NPIPB8: variants seen among roughly 807,000 people sequenced by gnomAD.
The protein encoded by NPIPB8 is nuclear pore complex interacting protein family member B8, also known as nuclear pore complex-interacting protein family member B8.
Under a neutral mutation model 5.3 loss-of-function variants are expected in NPIPB8, and 3 were observed. That is an observed-to-expected ratio of 0.57 (90% CI 0.26 to 1.47). The LOEUF (loss-of-function observed/expected upper bound fraction) is 1.47. NPIPB8 is among the 40% of genes most tolerant of loss of function. NPIPB8 has a pLI of 0.13. For missense variants in NPIPB8, 50 were observed against 50.2 expected (o/e 1.00, Z 0.01); for synonymous variants, 18 against 23.0 (o/e 0.78, Z 0.62).
intron 3 of NPIPB8, among the ~76,000 whole-genome samples, chr16:28,651,667 T>A (rs1490656981): frequency 1.1e-5 from 1 of 95,210 alleles, no homozygotes; most frequent in Non-Finnish European, 2.1e-5. Context: ...TCTCATTCTG[T>A]CGCTCAGGCT....
At chr16:28,640,610 G>A (rs1451088208) in intron 2 of NPIPB8, among the ~76,000 whole-genome samples, 1 of 152,156 alleles carries the variant, frequency 6.6e-6, no homozygotes, top group African/African-American at 2.4e-5. Context: ...GCCTGCATGG[G>A]AGACTGTGGA....
Position 28,641,168 on chromosome 16 carries a change from G to A in NPIPB8, c.120+2688G>A, listed in dbSNP as rs372226345. Among the ~76,000 whole-genome samples, 86 of 151,882 alleles carry A rather than the reference G, an allele frequency of 5.7e-4. 1 individual carries two copies. In the East Asian group the frequency reaches 0.015, roughly 27 times the overall value. Reference sequence around the variant, plus strand: ...TCCAATGGCCCTGGGTGACTCAAGTGCCCATTCAATGACCAGGACACAGAG... The same window carrying A: ...TCCAATGGCCCTGGGTGACTCAAGTACCCATTCAATGACCAGGACACAGAG... On this transcript the variant is annotated intron_variant, in intron 2 of 7. Transcript: ENST00000683297.
rs2047824619 is a variant in NPIPB8, at chr16:28,638,112, T to A, written c.-77T>A. On this transcript the variant is annotated 5_prime_UTR_variant, in exon 1 of 8. It removes an upstream start codon present in the reference 5' UTR. Transcript: ENST00000683297. ...ACCTTGAGAGAAACTGAATGACGAA[T>A]GAAACTATTGTTCCTGTTTCACACA... 7.8e-6 allele frequency: 5 copies of A among 644,606 alleles called. No homozygotes were observed. Among genetic ancestry groups the A allele is most frequent in the Non-Finnish European group, 1.3e-5 (5 of 398,536 alleles). 39.9% of individuals were successfully genotyped at this position (644,606 alleles called of 1,614,324 possible).
chr16:28,645,182 T>A (rs1428158906), intron 2 of NPIPB8, among the ~76,000 whole-genome samples: 1 of 134,578 alleles, frequency 7.4e-6, no homozygotes, highest in Non-Finnish European at 1.7e-5. Context: ...TGGCTCAGAT[T>A]ACAACGCCTG....
intron 5 of NPIPB8, among the ~76,000 whole-genome samples, chr16:28,652,839 T>C (rs1390188770): frequency 7.3e-6 from 1 of 137,466 alleles, no homozygotes; most frequent in Admixed American, 7.2e-5. Context: ...TGACCTCAGG[T>C]AATCCACCTG....
intron 2 of NPIPB8, chr16:28,644,561 A>T (rs761646544): frequency 1.4e-6 from 2 of 1,465,852 alleles, no homozygotes; most frequent in African/African-American, 3.6e-5. Flanking sequence ...TGTCCTGGAC[A>T]CCTCAGGGCG....
intron 2 of NPIPB8, among the ~76,000 whole-genome samples, chr16:28,644,300 C>T (rs1367821300): frequency 2.7e-5 from 3 of 112,082 alleles, no homozygotes; most frequent in African/African-American, 4.2e-5. Flanking sequence ...CTTCCACCAG[C>T]GCTTGAGAAC....
chr16:28,638,706 TG>T (rs1406125154), intron 2 of NPIPB8, among the ~76,000 whole-genome samples: 1 of 150,680 alleles, frequency 6.6e-6, no homozygotes, highest in African/African-American at 2.5e-5. Flanking sequence ...GAATCATTGC[TG>T]GCATGGTAAC....
At chr16:28,640,646 T>C (rs553087721) in intron 2 of NPIPB8, among the ~76,000 whole-genome samples, 126 of 152,196 alleles carry the variant, frequency 8.3e-4, no homozygotes, top group Admixed American at 2.6e-3. Flanking sequence ...AGTGGGGAAC[T>C]GATGGGAAAT....
chr16:28,639,562 T>A (rs1301726749), intron 2 of NPIPB8, among the ~76,000 whole-genome samples: 1 of 132,192 alleles, frequency 7.6e-6, no homozygotes, highest in Non-Finnish European at 1.6e-5. Context: ...GTTCAAGCAA[T>A]TCCTCTGCCT....
chr16:28,639,523 C>G (rs1174867306), intron 2 of NPIPB8, among the ~76,000 whole-genome samples: 1 of 128,666 alleles, frequency 7.8e-6, no homozygotes, highest in Non-Finnish European at 1.6e-5. Context: ...ATGGCACAAT[C>G]TTGGCTCACT....
At chr16:28,644,497 C>T (rs1596680840) in intron 2 of NPIPB8, 1 of 612,994 alleles carries the variant, frequency 1.6e-6, no homozygotes, top group Non-Finnish European at 2.4e-6. Context: ...CAACTCAGAT[C>T]CGGCCCATTC....
At chr16:28,642,165 G>A (rs1596676312) in intron 2 of NPIPB8, among the ~76,000 whole-genome samples, 2 of 151,374 alleles carry the variant, frequency 1.3e-5, no homozygotes, top group South Asian at 4.2e-4. Flanking sequence ...GAGTGCAATG[G>A]CACGATCTCG....
At chr16:28,652,940 G>T (rs1302602359) in intron 5 of NPIPB8, among the ~76,000 whole-genome samples, 2 of 112,862 alleles carry the variant, frequency 1.8e-5, no homozygotes, top group South Asian at 2.5e-4. Context: ...ATAGAATCTC[G>T]CTCTGTCGCC....
chr16:28,645,205 A>G (rs147954883), intron 2 of NPIPB8, among the ~76,000 whole-genome samples: 2,567 of 106,742 alleles, frequency 0.024, 35 homozygotes, highest in Non-Finnish European at 0.03. Context: ...TAATTTTTGT[A>G]TTTTTAGTAG....
intron 2 of NPIPB8, among the ~76,000 whole-genome samples, chr16:28,642,405 A>C (rs952720376): frequency 6.8e-6 from 1 of 147,484 alleles, no homozygotes; most frequent in Non-Finnish European, 1.5e-5. Context: ...TGCCCAGCCA[A>C]ATCTAGGGCC....
At chr16:28,639,543 G>A (rs1425087554) in intron 2 of NPIPB8, among the ~76,000 whole-genome samples, 57 of 128,002 alleles carry the variant, frequency 4.5e-4, no homozygotes, top group Admixed American at 3.5e-3. Flanking sequence ...TGCAACCTCC[G>A]TCTCCCGGGT....
chr16:28,644,710 C>T (rs1444871329), intron 2 of NPIPB8: 93 of 1,097,940 alleles, frequency 8.5e-5, no homozygotes, highest in South Asian at 1.9e-4. Flanking sequence ...CTGTGTCACG[C>T]GGCATGAAAT....
At chr16:28,639,434 C>T (rs1224646216) in intron 2 of NPIPB8, among the ~76,000 whole-genome samples, 1 of 94,172 alleles carries the variant, frequency 1.1e-5, no homozygotes, top group Non-Finnish European at 2.1e-5. Context: ...CACAGACACA[C>T]ACACACACAC....
Sources: allele counts gnomAD v4.1 joint callset (sites outside exome capture counted in the v4.1 genomes callset), GRCh38; gene constraint gnomAD v4.1.1; transcripts MANE v1.5; gene names NCBI Gene and HGNC (gene_info 2026-07-23, HGNC 2026-07-21).